Variants in KNDC1 observed in about 807,000 individuals in gnomAD.
The protein encoded by KNDC1 is kinase non-catalytic C-lobe domain-containing protein 1.
Under a neutral mutation model 172.8 loss-of-function variants are expected in KNDC1, and 106 were observed. The observed-to-expected ratio is 0.61, with a 90% CI of 0.52 to 0.72. The LOEUF (loss-of-function observed/expected upper bound fraction) is 0.72, where lower values mean the gene tolerates loss of function less well. Ranked by LOEUF, KNDC1 falls within the 30% of genes least tolerant of loss-of-function variation. KNDC1 has a pLI of 0.00. For missense variants in KNDC1, 2,325 were observed against 2,394.5 expected, an observed-to-expected ratio of 0.97 and a Z score of 0.61; for synonymous variants, 1,083 against 1,062.2, an observed-to-expected ratio of 1.02 and a Z score of -0.38.
Position 133,207,145 on chromosome 10 carries a change from C to T in KNDC1, c.3588C>T (p.Tyr1196=), listed in dbSNP as rs745818746. Residue 1196 remains tyrosine, a synonymous_variant, in exon 20 of 30, where the codon TAC becomes TAT. Coordinates refer to ENST00000304613, the MANE Select transcript of KNDC1 (RefSeq NM_152643.8). The part of the protein sequence containing the change: ...SLVKKYLQVM[Y]AERWGLEPCT... Reference sequence around the variant, plus strand: ...GTGTCCCGCTCCGGCAGGTCATGTACGCGGAACGCTGGGGCCTGGAGCCCT... The same window carrying T: ...GTGTCCCGCTCCGGCAGGTCATGTATGCGGAACGCTGGGGCCTGGAGCCCT... 18 of 1,588,942 alleles carry T rather than the reference C, an allele frequency of 1.1e-5. No homozygotes were observed. In the East Asian group the frequency reaches 1.8e-4, roughly 16 times the overall value.
intron 3 of KNDC1, among the ~76,000 whole-genome samples, chr10:133,175,083 GTGGATGGATAGA>G (rs1853490395): frequency 7.0e-6 from 1 of 143,632 alleles, no homozygotes; most frequent in Admixed American, 6.9e-5. Flanking sequence ...GGGTGGATGG[GTGGATGGATAGA>G]TGGATGGTGG....
chr10:133,184,247 T>C lies in KNDC1; in HGVS notation c.625+258T>C, dbSNP rs188192041. Among the ~76,000 whole-genome samples the C allele has an allele frequency of 1.1e-3, 127 of 118,028 alleles. 1 individual carries two copies. Among genetic ancestry groups the C allele is most frequent in the African/African-American group, 3.4e-3 (104 of 30,566 alleles). The allele number at this position is 118,028 out of a possible 152,430, so 77.4% of individuals were successfully genotyped here. A position where few individuals can be genotyped will look rare whatever the true frequency, so the allele number is the denominator to read the frequency against. On this transcript the variant is annotated intron_variant, in intron 5 of 29. Coordinates refer to ENST00000304613, the MANE Select transcript of KNDC1 (RefSeq NM_152643.8). ...TGCACACACACCCATGCGCACACAC[T>C]GCACACACACGTTACACACACCCAT... is the stretch of plus-strand genomic sequence containing the variant.
Position 133,226,026 on chromosome 10 carries a change from G to C in KNDC1, c.*1136G>C, listed in dbSNP as rs1845711574. ...GTTGTGCTTTTGAGTTTTAGAATTA[G>C]TCATTCTTTAGAGCAGCCAGCTAGT... On this transcript the variant is annotated 3_prime_UTR_variant, in exon 30 of 30. Transcript: ENST00000304613. 2 of 152,248 alleles carry C rather than the reference G, an allele frequency of 1.3e-5. No homozygotes were observed. The highest frequency in any genetic ancestry group is 1.3e-4 in the Admixed American group (2 of 15,290). 9.4% of individuals were successfully genotyped at this position (152,248 alleles called of 1,614,324 possible). A position where few individuals can be genotyped will look rare whatever the true frequency, so the allele number is the denominator to read the frequency against.
At position 133,200,467 on chromosome 10, in the gene KNDC1, G is replaced by A. The variant is rs899334238; in HGVS notation, c.2989+7G>A. ...CCGTCGCTGCACCGCCTGGGTAAGT[G>A]CTGGGCGGGCCCCGCGGCAGGAGCT... is the stretch of plus-strand genomic sequence containing the variant. On this transcript the variant is annotated splice_region_variant and intron_variant, in intron 16 of 29. Coordinates refer to ENST00000304613, the MANE Select transcript of KNDC1 (RefSeq NM_152643.8). 1.3e-6 allele frequency: 2 copies of A among 1,543,356 alleles called. No homozygotes were observed. Among genetic ancestry groups the A allele is most frequent in the Non-Finnish European group, 1.7e-6 (2 of 1,147,158 alleles).
At chr10:133,188,236 C>T (rs1412532957) in intron 6 of KNDC1, among the ~76,000 whole-genome samples, 4 of 152,176 alleles carry the variant, frequency 2.6e-5, no homozygotes, top group South Asian at 4.1e-4. Context: ...GGAATGTGGC[C>T]GTGTGGAACT....
At chr10:133,188,416 T>TG (rs939367675) in intron 6 of KNDC1, 123 bp from the exon 7 acceptor site, 158 of 629,674 alleles carry the variant, frequency 2.5e-4, no homozygotes, top group African/African-American at 2.4e-3. Context: ...CTATCAGGTG[T>TG]GGGGGGCGCC....
intron 6 of KNDC1, 35 bp from the exon 7 acceptor site, chr10:133,188,504 T>C (rs750803815): frequency 2.2e-6 from 3 of 1,384,222 alleles, no homozygotes; most frequent in Non-Finnish European, 3.0e-6. Context: ...TGGCAAGGGG[T>C]GTCCACACTG....
intron 1 of KNDC1, among the ~76,000 whole-genome samples, chr10:133,161,875 G>A (rs1005266458): frequency 6.6e-6 from 1 of 152,198 alleles, no homozygotes; most frequent in Non-Finnish European, 1.5e-5. Flanking sequence ...GGGCCTCCCC[G>A]CTCCGCACAC....
chr10:133,161,107 A>G (rs1230930207), intron 1 of KNDC1, among the ~76,000 whole-genome samples: 1 of 151,924 alleles, frequency 6.6e-6, no homozygotes, highest in East Asian at 1.9e-4. Context: ...TCTGCCTGCC[A>G]TCTGCATACC....
At chr10:133,188,411 A>G (rs1020878171) in intron 6 of KNDC1, 128 bp from the exon 7 acceptor site, 78 of 611,982 alleles carry the variant, frequency 1.3e-4, no homozygotes, top group African/African-American at 1.2e-3. Flanking sequence ...CCCTTCTATC[A>G]GGTGTGGGGG....
chr10:133,176,732 T>A (rs1420953103), intron 3 of KNDC1, among the ~76,000 whole-genome samples: 1 of 152,234 alleles, frequency 6.6e-6, no homozygotes, highest in East Asian at 1.9e-4. Context: ...TTTGCTAATG[T>A]GCTCTGGGTC....
chr10:133,181,834 C>CACACACACACA (rs1564881077), intron 3 of KNDC1, among the ~76,000 whole-genome samples: 3,248 of 138,702 alleles, frequency 0.023, 76 homozygotes, highest in East Asian at 0.04. Context: ...CCAGGACCGT[C>CACACACACACA]CACACACACA....
intron 3 of KNDC1, among the ~76,000 whole-genome samples, chr10:133,175,073 G>A (rs1468670142): frequency 6.6e-6 from 1 of 151,146 alleles, no homozygotes; most frequent in East Asian, 2.0e-4. Context: ...ATGGATGGGT[G>A]GGTGGATGGG....
intron 3 of KNDC1, among the ~76,000 whole-genome samples, chr10:133,177,222 G>T (rs576727690): frequency 6.6e-6 from 1 of 152,244 alleles, no homozygotes; most frequent in East Asian, 1.9e-4. Flanking sequence ...GTGTGTGCAT[G>T]GTGTGTGCAT....
At position 133,207,192 on chromosome 10, in the gene KNDC1, A is replaced by T. The variant is rs1845222072; in HGVS notation, c.3635A>T (p.Asn1212Ile). ...CCCTGCACCCTCCCAGTGATCGTGAACATCGCGGCCGCACCCTGCGACACG... is the reference window on the plus strand; with the variant it reads ...CCCTGCACCCTCCCAGTGATCGTGATCATCGCGGCCGCACCCTGCGACACG... ...LEPCTLPVIV[N>I]IAAAPCDTLD... is the part of the protein sequence containing the mutation. Residue 1212 changes from asparagine (N) to isoleucine (I), a missense_variant, in exon 20 of 30, where the codon AAC (asparagine) becomes ATC (isoleucine). Physicochemically the swap from Asn to Ile is moderately radical, Grantham distance 149. Transcript: ENST00000304613. The T allele has an allele frequency of 6.2e-7, 1 of 1,610,710 alleles. No homozygotes were observed. The highest frequency in any genetic ancestry group is 8.5e-7 in the Non-Finnish European group (1 of 1,179,398).
intron 20 of KNDC1, 58 bp downstream of exon 20, chr10:133,207,409 AG>A (rs535405746): frequency 4.6e-6 from 7 of 1,516,672 alleles, no homozygotes; most frequent in Admixed American, 1.7e-5. Flanking sequence ...TGCTGAGAAG[AG>A]GGGGGGAACG....
At chr10:133,205,791 C>T (rs868302310) in intron 17 of KNDC1, among the ~76,000 whole-genome samples, 3 of 152,042 alleles carry the variant, frequency 2.0e-5, no homozygotes, top group East Asian at 1.9e-4. Context: ...GTTGTGATCG[C>T]GCCACTGCAC....
At chr10:133,204,242 GTCCT>G (rs1250813949) in intron 17 of KNDC1, among the ~76,000 whole-genome samples, 3 of 152,222 alleles carry the variant, frequency 2.0e-5, no homozygotes, top group Admixed American at 2.0e-4. Flanking sequence ...AGCCCGGTAG[GTCCT>G]TCCTTGATGA....
At chr10:133,180,712 G>A (rs940979702) in intron 3 of KNDC1, among the ~76,000 whole-genome samples, 1 of 152,256 alleles carries the variant, frequency 6.6e-6, no homozygotes, top group Non-Finnish European at 1.5e-5. Flanking sequence ...CACAGCAAGC[G>A]TGTGTGCGGC....
Sources: allele counts gnomAD v4.1 joint callset (sites outside exome capture counted in the v4.1 genomes callset), GRCh38; gene constraint gnomAD v4.1.1; transcripts MANE v1.5; gene names NCBI Gene and HGNC (gene_info 2026-07-23, HGNC 2026-07-21).